The following CCDC141 variants were observed in gnomAD, a reference collection of about 807,000 sequenced individuals.
CCDC141 encodes the protein coiled-coil domain-containing protein 141.
Under a neutral mutation model 181.0 loss-of-function variants are expected in CCDC141, and 168 were observed. That is an observed-to-expected ratio of 0.93 (90% confidence interval 0.82 to 1.05). The LOEUF is 1.05. Ranked by LOEUF, CCDC141 falls within the 50% of genes least tolerant of loss-of-function variation. The probability of loss-of-function intolerance (pLI) is 0.00; values close to 1 mark genes in which losing one functional copy is unlikely to be tolerated. For missense variants in CCDC141, 1,902 were observed against 1,788.5 expected (o/e 1.06, Z -1.14); for synonymous variants, 666 against 642.3 (o/e 1.04, Z -0.56).
chr2:179,034,145 A>T (rs1231008233), intron 2 of CCDC141, among the ~76,000 whole-genome samples: 1 of 152,218 alleles, frequency 6.6e-6, no homozygotes, highest in Admixed American at 6.5e-5. Flanking sequence ...TATAAACACC[A>T]TGGAATACTA....
At chr2:179,001,083 A>T (rs2041956560) in intron 2 of CCDC141, among the ~76,000 whole-genome samples, 1 of 152,200 alleles carries the variant, frequency 6.6e-6, no homozygotes. Flanking sequence ...ACAAGAACTC[A>T]GAGAATAAGC....
At chr2:178,969,900 T>A (rs1690807188) in intron 4 of CCDC141, among the ~76,000 whole-genome samples, 2 of 152,214 alleles carry the variant, frequency 1.3e-5, no homozygotes, top group Non-Finnish European at 2.9e-5. Flanking sequence ...CAAAATCTCC[T>A]TAAGCTGATA....
chr2:178,944,075 T>C (rs2154377205), intron 6 of CCDC141, among the ~76,000 whole-genome samples: 1 of 152,326 alleles, frequency 6.6e-6, no homozygotes, highest in Middle Eastern at 3.4e-3. Context: ...AAATGTATAA[T>C]GTTTAAGAGC....
chr2:179,003,674 C>A (rs1296692715), intron 2 of CCDC141, among the ~76,000 whole-genome samples: 4 of 152,012 alleles, frequency 2.6e-5, no homozygotes, highest in African/African-American at 9.7e-5. Flanking sequence ...AAGTGGACAC[C>A]ATACCCACAA....
At position 179,004,734 on chromosome 2, in the gene CCDC141, T is replaced by G. The variant is rs964658159; in HGVS notation, c.226-26059A>C. On this transcript the variant is annotated intron_variant, in intron 2 of 23. Transcript: ENST00000443758. ...AAATAAAGAACATTAAAGACTAAATTTTTTTTTTGTTTTTGAGACAGAGTC... is the reference window on the plus strand; with the variant it reads ...AAATAAAGAACATTAAAGACTAAATGTTTTTTTTGTTTTTGAGACAGAGTC... Among the ~76,000 whole-genome samples, 7 of 151,592 alleles carry G rather than the reference T, an allele frequency of 4.6e-5. No individual in the cohort carries two copies. In the East Asian group the frequency reaches 1.4e-3, roughly 29 times the overall value.
chr2:178,972,736 G>C (rs1690951084), intron 4 of CCDC141, among the ~76,000 whole-genome samples: 1 of 152,200 alleles, frequency 6.6e-6, no homozygotes, highest in African/African-American at 2.4e-5. Context: ...TCAGGAGAAG[G>C]TATATTATTC....
chr2:178,968,691 C>G (rs189607101), intron 4 of CCDC141, among the ~76,000 whole-genome samples: 2 of 151,724 alleles, frequency 1.3e-5, no homozygotes, highest in African/African-American at 4.8e-5. Context: ...GAGAAGCGAC[C>G]GCAAACAAAT....
chr2:179,010,528 G>C (rs2042236590), intron 2 of CCDC141, among the ~76,000 whole-genome samples: 1 of 152,076 alleles, frequency 6.6e-6, no homozygotes, highest in Admixed American at 6.6e-5. Context: ...TATCAGCCAA[G>C]AATTTTGTAT....
intron 21 of CCDC141, among the ~76,000 whole-genome samples, chr2:178,847,226 A>G (rs555893602): frequency 6.6e-6 from 1 of 152,294 alleles, no homozygotes; most frequent in African/African-American, 2.4e-5. Context: ...TTTCTGGAGT[A>G]CCTGCTTTAG....
intron 6 of CCDC141, among the ~76,000 whole-genome samples, chr2:178,933,965 T>A (rs1057414374): frequency 1.3e-5 from 2 of 152,194 alleles, no homozygotes; most frequent in Non-Finnish European, 2.9e-5. Context: ...ATCTTCTAGT[T>A]TTTTTAAAGA....
chr2:178,835,622 A>T (rs1471633290), intron 23 of CCDC141: 1 of 152,240 alleles, frequency 6.6e-6, no homozygotes, highest in Non-Finnish European at 1.5e-5. Context: ...AAATCTGACG[A>T]CAAAACATTT....
intron 2 of CCDC141, among the ~76,000 whole-genome samples, chr2:179,041,503 T>TTG (rs2043304701): frequency 7.0e-6 from 1 of 143,114 alleles, no homozygotes; most frequent in Non-Finnish European, 1.5e-5. Context: ...TTTTTTTTTT[T>TTG]TTTTTTTTTT....
rs192452927 is a variant in CCDC141 at position 178,849,824 on chromosome 2, T to C, written c.3357+225A>G. Reference sequence around the variant, plus strand: ...AAATGTAAACCAGACACCTTAATTGTGTTTAGCCTTCATTACCAGCAATAT... The same window carrying C: ...AAATGTAAACCAGACACCTTAATTGCGTTTAGCCTTCATTACCAGCAATAT... On this transcript the variant is annotated intron_variant, in intron 21 of 23. Coordinates refer to ENST00000443758, the MANE Select transcript of CCDC141 (RefSeq NM_173648.4). Among the ~76,000 whole-genome samples, 5 of 152,368 alleles carry C rather than the reference T, an allele frequency of 3.3e-5. No homozygotes were observed. In the East Asian group the frequency reaches 9.6e-4, roughly 29 times the overall value.
At chr2:178,977,557 T>G (rs1691174426) in intron 3 of CCDC141, among the ~76,000 whole-genome samples, 1 of 152,196 alleles carries the variant, frequency 6.6e-6, no homozygotes, top group African/African-American at 2.4e-5. Context: ...TTGAAAGTTA[T>G]AATAAGGTTT....
intron 14 of CCDC141, among the ~76,000 whole-genome samples, chr2:178,870,692 T>A (rs1034906115): frequency 6.6e-6 from 1 of 152,196 alleles, no homozygotes; most frequent in African/African-American, 2.4e-5. Flanking sequence ...CCTAAAGGAA[T>A]CTTCAATATT....
Position 178,837,738 on chromosome 2 carries a change from C to A in CCDC141, c.3481G>T (p.Val1161Leu). 1 of 1,589,456 alleles carries A rather than the reference C, an allele frequency of 6.3e-7. No individual in the cohort carries two copies. Among genetic ancestry groups the A allele is most frequent in the East Asian group, 2.2e-5 (1 of 44,702 alleles). ...ATGCCCAAAAGATCTGCCACCTGCA[C>A]CTGCCCCTTGAAAAAAGAAAAGCCA... is the stretch of plus-strand genomic sequence containing the variant. ...IFNEERNKGQ[V>L]QVADLLGING... The change falls in exon 23 of 24, where the codon GTG becomes TTG. Residue 1161 changes from valine to leucine, a missense_variant. Val to Leu is a conservative substitution (Grantham distance 32). Coordinates refer to ENST00000443758, the MANE Select transcript of CCDC141 (RefSeq NM_173648.4).
chr2:178,944,049 A>T (rs181562757), intron 6 of CCDC141, among the ~76,000 whole-genome samples: 376 of 152,310 alleles, frequency 2.5e-3, no homozygotes, highest in African/African-American at 8.4e-3. Flanking sequence ...TAGAAAAAAA[A>T]TTTTTTAGAA....
chr2:178,843,193 G>T (rs1182653906), intron 22 of CCDC141, among the ~76,000 whole-genome samples: 1 of 152,208 alleles, frequency 6.6e-6, no homozygotes, highest in African/African-American at 2.4e-5. Flanking sequence ...GGTCTTGCGG[G>T]AAAAGTGTAT....
intron 2 of CCDC141, chr2:179,001,737 A>C (rs2041988033): frequency 6.6e-6 from 1 of 152,192 alleles, no homozygotes; most frequent in East Asian, 1.9e-4. Context: ...CCTCGGAGGC[A>C]ATCAGCTGCT....
Sources: allele counts gnomAD v4.1 joint callset (sites outside exome capture counted in the v4.1 genomes callset), GRCh38; gene constraint gnomAD v4.1.1; transcripts MANE v1.5; gene names NCBI Gene and HGNC (gene_info 2026-07-23, HGNC 2026-07-21).